Variants in PTCHD4 observed in about 807,000 individuals in gnomAD.
The protein encoded by PTCHD4 is patched domain-containing protein 4.
Under a neutral mutation model 58.1 loss-of-function variants are expected in PTCHD4, and 33 were observed. The observed-to-expected ratio is 0.57, with a 90% CI of 0.43 to 0.76. PTCHD4 has a LOEUF of 0.76. Among genes scored for constraint, PTCHD4 ranks in the 30% least tolerant of loss-of-function variants. The pLI, the probability that PTCHD4 is intolerant of heterozygous loss-of-function variation, is 0.00. For missense variants in PTCHD4, 1,058 were observed against 1,027.1 expected (o/e 1.03, Z -0.41); for synonymous variants, 478 against 409.6 (o/e 1.17, Z -2.02).
Position 47,857,038 on chromosome 6 carries a change from T to G in PTCHD4, c.*21265A>C, listed in dbSNP as rs1023874190. Among the ~76,000 whole-genome samples the G allele has an allele frequency of 6.6e-6, 1 of 152,072 alleles. No individual in the cohort carries two copies. Among genetic ancestry groups the G allele is most frequent in the Non-Finnish European group, 1.5e-5 (1 of 67,968 alleles). ...AAGGTTGCTTAGGGAAATTGGAGCC[T>G]TCTGGACCCAGCCCAAATAATCTTT... On this transcript the variant is annotated 3_prime_UTR_variant, in exon 5 of 5. Coordinates refer to ENST00000339488, the MANE Select transcript of PTCHD4 (RefSeq NM_001384253.1).
intron 3 of PTCHD4, among the ~76,000 whole-genome samples, chr6:48,060,888 A>G (rs1342464438): frequency 6.6e-6 from 1 of 152,228 alleles, no homozygotes; most frequent in African/African-American, 2.4e-5. Flanking sequence ...TCCTGTAACT[A>G]AACACAATCC....
At chr6:48,089,339 T>C (rs1765320643) in intron 1 of PTCHD4, among the ~76,000 whole-genome samples, 1 of 152,180 alleles carries the variant, frequency 6.6e-6, no homozygotes. Flanking sequence ...AATTAAGTAG[T>C]GGAATAGGTT....
intron 4 of PTCHD4, among the ~76,000 whole-genome samples, chr6:47,982,837 A>G (rs1293705859): frequency 6.6e-6 from 1 of 152,156 alleles, no homozygotes; most frequent in Admixed American, 6.5e-5. Flanking sequence ...CTAGCAGATA[A>G]TAGGTGCTCA....
intron 1 of PTCHD4, among the ~76,000 whole-genome samples, chr6:48,088,248 G>A (rs1052665155): frequency 1.3e-5 from 2 of 152,064 alleles, no homozygotes; most frequent in Admixed American, 1.3e-4. Context: ...CCGTTTGGAA[G>A]GGTGGGTCCC....
chr6:48,039,881 G>T (rs568790125), intron 3 of PTCHD4, among the ~76,000 whole-genome samples: 1 of 152,154 alleles, frequency 6.6e-6, no homozygotes, highest in East Asian at 1.9e-4. Context: ...AAGCTTATAT[G>T]AAAATTGGAT....
chr6:47,952,063 G>C (rs892140135), intron 4 of PTCHD4, among the ~76,000 whole-genome samples: 3 of 152,068 alleles, frequency 2.0e-5, no homozygotes, highest in Non-Finnish European at 4.4e-5. Flanking sequence ...GGCTCAGAGA[G>C]GCTGGATGTG....
chr6:48,012,058 A>G (rs1209169679), intron 3 of PTCHD4, among the ~76,000 whole-genome samples: 1 of 151,852 alleles, frequency 6.6e-6, no homozygotes, highest in Non-Finnish European at 1.5e-5. Context: ...TATATGGGCT[A>G]TTTTTGGTTC....
At chr6:47,893,914 A>G (rs1764454144) in intron 4 of PTCHD4, among the ~76,000 whole-genome samples, 1 of 152,274 alleles carries the variant, frequency 6.6e-6, no homozygotes, top group African/African-American at 2.4e-5. Flanking sequence ...GATTAAACTA[A>G]TTGAGGCATT....
At chr6:48,106,770 A>G (rs529465745) in intron 1 of PTCHD4, among the ~76,000 whole-genome samples, 4 of 152,334 alleles carry the variant, frequency 2.6e-5, no homozygotes, top group Admixed American at 6.5e-5. Flanking sequence ...TACAAAATCA[A>G]TGTGCAAAAA....
At chr6:47,926,008 T>G (rs117065107) in intron 4 of PTCHD4, among the ~76,000 whole-genome samples, 1 of 152,320 alleles carries the variant, frequency 6.6e-6, no homozygotes, top group East Asian at 1.9e-4. Flanking sequence ...TTCATTTTCC[T>G]CTTTCTGTCG....
intron 1 of PTCHD4, among the ~76,000 whole-genome samples, chr6:48,071,606 C>T (rs1323315705): frequency 6.6e-6 from 1 of 152,058 alleles, no homozygotes; most frequent in African/African-American, 2.4e-5. Context: ...CTCAGTTTCT[C>T]CTATTATTAA....
At chr6:47,980,041 C>A (rs1224367232) in intron 4 of PTCHD4, among the ~76,000 whole-genome samples, 2 of 151,968 alleles carry the variant, frequency 1.3e-5, no homozygotes, top group Non-Finnish European at 1.5e-5. Context: ...ACCAATATAC[C>A]TTGACACCTC....
rs1257705951 is a variant in PTCHD4 at position 47,863,369 on chromosome 6, T to C, written c.*14934A>G. On this transcript the variant is annotated 3_prime_UTR_variant, in exon 5 of 5. Transcript: ENST00000339488. ...AATTTAAGCTTCATTAGCTACATGC[T>C]ACACTTGCATATCCCACATGAAAAA... Among the ~76,000 whole-genome samples the C allele has an allele frequency of 2.6e-5, 4 of 151,928 alleles. No individual in the cohort carries two copies. The highest frequency in any genetic ancestry group is 5.9e-5 in the Non-Finnish European group (4 of 67,906).
chr6:48,075,439 G>GGTTTTTTTTT (rs1562040806), intron 1 of PTCHD4, among the ~76,000 whole-genome samples: 1 of 136,772 alleles, frequency 7.3e-6, no homozygotes, highest in Non-Finnish European at 1.6e-5. Context: ...AGTTTTGTGG[G>GGTTTTTTTTT]TTTTTTTTTT....
chr6:48,079,270 T>C (rs1765119575), intron 1 of PTCHD4, among the ~76,000 whole-genome samples: 1 of 152,154 alleles, frequency 6.6e-6, no homozygotes, highest in Admixed American at 6.5e-5. Flanking sequence ...TTAATTACCT[T>C]GCATAGTCGT....
At chr6:48,096,050 C>T (rs990843465) in intron 1 of PTCHD4, among the ~76,000 whole-genome samples, 11 of 152,122 alleles carry the variant, frequency 7.2e-5, no homozygotes, top group African/African-American at 2.7e-4. Context: ...GGTCTCTTCT[C>T]TAGAAGCTTC....
At chr6:48,101,436 T>C (rs1391980735) in intron 1 of PTCHD4, among the ~76,000 whole-genome samples, 3 of 152,140 alleles carry the variant, frequency 2.0e-5, no homozygotes, top group Non-Finnish European at 4.4e-5. Flanking sequence ...GACATAACCA[T>C]AATAGGGGAT....
intron 4 of PTCHD4, among the ~76,000 whole-genome samples, chr6:47,927,119 T>A (rs1242164761): frequency 6.6e-6 from 1 of 152,106 alleles, no homozygotes. Flanking sequence ...AGCCATCATT[T>A]CTCAGGACTA....
In PTCHD4 at chr6:47,878,895, A is replaced by G. The variant is rs1288178443; in HGVS notation, c.1940T>C (p.Met647Thr). 1.2e-6 allele frequency: 2 copies of G among 1,613,668 alleles called. No homozygotes were observed. Among genetic ancestry groups the G allele is most frequent in the Non-Finnish European group, 1.7e-6 (2 of 1,179,774 alleles). ...TGTGACAGACAAGCTGTAATGGTCCATGAAGACAAAGGAGGGGTTGAACAC... is the reference window on the plus strand; with the variant it reads ...TGTGACAGACAAGCTGTAATGGTCCGTGAAGACAAAGGAGGGGTTGAACAC... ...FIVFNPSFVF[M>T]DHYSLSVTVP... Residue 647 changes from methionine (M) to threonine (T), a missense_variant, in exon 5 of 5, where the codon ATG becomes ACG. Met to Thr is a moderately conservative substitution (Grantham distance 81). Transcript: ENST00000339488.
Sources: allele counts gnomAD v4.1 joint callset (sites outside exome capture counted in the v4.1 genomes callset), GRCh38; gene constraint gnomAD v4.1.1; transcripts MANE v1.5; gene names NCBI Gene and HGNC (gene_info 2026-07-23, HGNC 2026-07-21).